EFCAB5: variants seen among roughly 807,000 people sequenced by gnomAD.
EFCAB5 encodes the protein EF-hand calcium-binding domain-containing protein 5.
A neutral mutation model predicts 167.9 loss-of-function variants in EFCAB5; 131 were observed. That is an observed-to-expected ratio of 0.78 (90% CI 0.68 to 0.90). EFCAB5 has a LOEUF of 0.90. Ranked by LOEUF, EFCAB5 falls within the 40% of genes least tolerant of loss-of-function variation. The pLI is 0.00. For missense variants in EFCAB5, 1,663 were observed against 1,745.2 expected (o/e 0.95, Z 0.84); for synonymous variants, 574 against 602.8 (o/e 0.95, Z 0.70).
At chr17:30,024,537 T>G (rs1272881898) in intron 7 of EFCAB5, among the ~76,000 whole-genome samples, 2 of 151,954 alleles carry the variant, frequency 1.3e-5, no homozygotes, top group Non-Finnish European at 2.9e-5. Flanking sequence ...TAAAAGAGGA[T>G]ATAAACAAAT....
chr17:29,943,929 G>A (rs988176485), intron 3 of EFCAB5, among the ~76,000 whole-genome samples: 1 of 151,972 alleles, frequency 6.6e-6, no homozygotes, highest in African/African-American at 2.4e-5. Flanking sequence ...AGCCAAGCTC[G>A]TGGATTGCAC....
intron 4 of EFCAB5, among the ~76,000 whole-genome samples, chr17:29,973,369 G>A (rs893501130): frequency 3.9e-5 from 6 of 152,086 alleles, no homozygotes; most frequent in Admixed American, 1.3e-4. Flanking sequence ...ATTAAAATTC[G>A]CTGTGCTGAG....
At chr17:29,943,272 A>G (rs1308756850) in intron 2 of EFCAB5, among the ~76,000 whole-genome samples, 1 of 152,148 alleles carries the variant, frequency 6.6e-6, no homozygotes. Flanking sequence ...AAACTATTGT[A>G]TAATTCAAGA....
chr17:29,968,102 C>T (rs1428042558), intron 3 of EFCAB5, among the ~76,000 whole-genome samples: 1 of 151,988 alleles, frequency 6.6e-6, no homozygotes, highest in Non-Finnish European at 1.5e-5. Context: ...TCTTGAACTC[C>T]AGGGCTCAAG....
upstream of EFCAB5, among the ~76,000 whole-genome samples, chr17:29,940,009 T>G (rs1245753568): frequency 6.6e-6 from 1 of 152,182 alleles, no homozygotes; most frequent in Non-Finnish European, 1.5e-5. Flanking sequence ...TTCCTTAACA[T>G]TTTGTGTGTA....
At chr17:30,078,825 A>G (rs185625024) in intron 15 of EFCAB5, among the ~76,000 whole-genome samples, 1 of 152,378 alleles carries the variant, frequency 6.6e-6, no homozygotes, top group East Asian at 1.9e-4. Flanking sequence ...GAACAATATC[A>G]GTAAGGAGAT....
intron 22 of EFCAB5, among the ~76,000 whole-genome samples, chr17:30,093,628 A>G (rs2071242127): frequency 6.6e-6 from 1 of 152,146 alleles, no homozygotes; most frequent in African/African-American, 2.4e-5. Flanking sequence ...GAACTATCCT[A>G]GCTTATTCCT....
intron 8 of EFCAB5, among the ~76,000 whole-genome samples, chr17:30,044,515 G>A (rs563462690): frequency 1.3e-5 from 2 of 152,056 alleles, no homozygotes; most frequent in African/African-American, 2.4e-5. Flanking sequence ...GGTGGAGTTT[G>A]CAATGAGCCA....
At chr17:30,065,749 G>A (rs574801406) in intron 14 of EFCAB5, 4 of 152,302 alleles carry the variant, frequency 2.6e-5, no homozygotes, top group South Asian at 4.1e-4. Context: ...TATATAGACT[G>A]AAAGTGAAGG....
intron 18 of EFCAB5, among the ~76,000 whole-genome samples, chr17:30,085,538 G>A (rs1441965063): frequency 6.6e-6 from 1 of 152,028 alleles, no homozygotes; most frequent in Non-Finnish European, 1.5e-5. Context: ...GGCTAACATG[G>A]TGAAACCCCG....
chr17:30,004,528 G>A (rs1567708671), intron 7 of EFCAB5, among the ~76,000 whole-genome samples: 1 of 152,018 alleles, frequency 6.6e-6, no homozygotes, highest in South Asian at 2.1e-4. Context: ...TTTTTAGTCT[G>A]GTCTGTTGGG....
chr17:30,011,124 G>A (rs1201185887), intron 7 of EFCAB5, among the ~76,000 whole-genome samples: 1 of 152,120 alleles, frequency 6.6e-6, no homozygotes. Context: ...TGGATGTGTG[G>A]TGTTATTTCT....
chr17:29,972,648 T>G (rs1274842281), intron 4 of EFCAB5: 2 of 161,192 alleles, frequency 1.2e-5, no homozygotes, highest in African/African-American at 4.8e-5. Context: ...CCAGTTGGGG[T>G]CTTGTGGCGG....
chr17:30,087,099 G>A lies in EFCAB5; in HGVS notation c.3616G>A (p.Gly1206Arg). 6.2e-7 allele frequency: 1 copy of A among 1,613,480 alleles called. No individual in the cohort carries two copies. The highest frequency in any genetic ancestry group is 8.5e-7 in the Non-Finnish European group (1 of 1,179,672). ...DYVLRNMMVT[G>R]QLGLTEIHKN... Reference sequence around the variant, plus strand: ...TGTTTTACGCAACATGATGGTTACAGGGCAGCTGGGTCTAACAGAAATCCA... The same window carrying A: ...TGTTTTACGCAACATGATGGTTACAAGGCAGCTGGGTCTAACAGAAATCCA... Residue 1206 changes from glycine (G) to arginine (R), a missense_variant, in exon 19 of 23, where the codon GGG becomes AGG. By Grantham distance (125) the Gly-to-Arg change is moderately radical. Transcript: ENST00000394835.
chr17:30,053,665 G>A lies in EFCAB5; in HGVS notation c.1711G>A (p.Glu571Lys), dbSNP rs1259294533. Residue 571 changes from glutamate to lysine, a missense_variant, in exon 10 of 23, where the codon GAG becomes AAG. Physicochemically the swap from Glu to Lys is moderately conservative, Grantham distance 56 (BLOSUM62 1). Coordinates refer to ENST00000394835, the MANE Select transcript of EFCAB5 (RefSeq NM_198529.4). ...ACTGACAGAACAAGAAACACACAGA[G>A]AGTCAACTACAGAACAAGGACAGCA... ...RLLTEQETHRESTTEQGQHKG... is the reference protein window; with the variant it reads ...RLLTEQETHRKSTTEQGQHKG... 5.0e-6 allele frequency: 8 copies of A among 1,613,848 alleles called. No homozygotes were observed. The highest frequency in any genetic ancestry group is 2.2e-5 in the East Asian group (1 of 44,892).
intron 7 of EFCAB5, among the ~76,000 whole-genome samples, chr17:30,003,582 A>C (rs1375231115): frequency 6.6e-6 from 1 of 151,664 alleles, no homozygotes; most frequent in African/African-American, 2.4e-5. Context: ...AAAAAGAAAA[A>C]AAAAAAAAAA....
intron 4 of EFCAB5, among the ~76,000 whole-genome samples, chr17:29,970,637 G>GACACACACACAC (rs34545008): frequency 0.027 from 3,703 of 138,664 alleles, 123 homozygotes; most frequent in African/African-American, 0.07. Flanking sequence ...CTCAAAAACA[G>GACACACACACAC]ACACACACAC....
chr17:30,072,760 GTTGA>G (rs1319112916), intron 14 of EFCAB5, among the ~76,000 whole-genome samples: 2 of 152,086 alleles, frequency 1.3e-5, no homozygotes, highest in African/African-American at 2.4e-5. Flanking sequence ...ACGTTGACCA[GTTGA>G]TTAAGATTAT....
chr17:29,972,312 G>A (rs183118190), intron 4 of EFCAB5, among the ~76,000 whole-genome samples: 105 of 151,020 alleles, frequency 7.0e-4, no homozygotes, highest in Middle Eastern at 3.4e-3. Flanking sequence ...GCTTCCCAAA[G>A]TGCTGGTATT....
Sources: gnomAD v4.1 joint callset for allele counts (sites outside exome capture counted in the v4.1 genomes callset) on GRCh38, gnomAD v4.1.1 for gene constraint, MANE v1.5 for transcripts, NCBI Gene and HGNC (gene_info 2026-07-23, HGNC 2026-07-21) for gene names.